KPNA7: variants seen among roughly 807,000 people sequenced by gnomAD.
KPNA7 encodes the protein importin subunit alpha-8.
A neutral mutation model predicts 53.7 loss-of-function variants in KPNA7; 54 were observed. The observed-to-expected ratio is 1.01, with a 90% CI of 0.81 to 1.26. The LOEUF (loss-of-function observed/expected upper bound fraction) is 1.26. KPNA7 is among the 50% of genes most tolerant of loss of function. The pLI, the probability that KPNA7 is intolerant of heterozygous loss-of-function variation, is 0.00. For synonymous variants in KPNA7, 276 were observed against 259.3 expected (o/e 1.06, Z -0.62); for missense variants, 640 against 644.5 (o/e 0.99, Z 0.07).
chr7:99,200,904 G>A (rs1295354141), intron 3 of KPNA7, among the ~76,000 whole-genome samples: 1 of 152,066 alleles, frequency 6.6e-6, no homozygotes, highest in Non-Finnish European at 1.5e-5. Context: ...GGAGACAAAA[G>A]TTGCAGTGAG....
chr7:99,206,673 A>C (rs1265963629), intron 2 of KPNA7, among the ~76,000 whole-genome samples: 1 of 151,712 alleles, frequency 6.6e-6, no homozygotes, highest in Non-Finnish European at 1.5e-5. Flanking sequence ...TTGGTATGTT[A>C]CCCAGGCTGG....
intron 8 of KPNA7, among the ~76,000 whole-genome samples, chr7:99,182,546 G>C (rs1228010047): frequency 6.6e-6 from 1 of 152,056 alleles, no homozygotes; most frequent in South Asian, 2.1e-4. Flanking sequence ...TGTTGGCCAG[G>C]CTGGTCTCAA....
downstream of KPNA7, among the ~76,000 whole-genome samples, chr7:99,169,435 C>G (rs958340978): frequency 6.6e-6 from 1 of 151,558 alleles, no homozygotes; most frequent in African/African-American, 2.4e-5. Flanking sequence ...GCCTGGCCAA[C>G]ATGGTGAAAC....
intron 5 of KPNA7, among the ~76,000 whole-genome samples, chr7:99,194,587 C>T (rs1000387009): frequency 5.9e-5 from 9 of 152,110 alleles, no homozygotes; most frequent in Non-Finnish European, 1.3e-4. Flanking sequence ...CAATATTTGG[C>T]CTCTAAACTT....
chr7:99,204,652 G>A (rs1428463912), intron 2 of KPNA7, among the ~76,000 whole-genome samples: 1 of 152,138 alleles, frequency 6.6e-6, no homozygotes, highest in Non-Finnish European at 1.5e-5. Flanking sequence ...AAGGCAGGAG[G>A]ATTGCTTGAG....
At chr7:99,197,470 A>G (rs1790288546) in intron 3 of KPNA7, among the ~76,000 whole-genome samples, 1 of 152,172 alleles carries the variant, frequency 6.6e-6, no homozygotes, top group Admixed American at 6.5e-5. Flanking sequence ...ACATATACAT[A>G]TATATGTGAA....
At chr7:99,160,956 G>T in the KPNA7 span, among the ~76,000 whole-genome samples, 4 of 152,002 alleles carry the variant, frequency 2.6e-5, no homozygotes, top group African/African-American at 9.7e-5. Flanking sequence ...AACCTCCCAG[G>T]TTCAAGCTAT....
chr7:99,174,590 A>G (rs771087428), intron 10 of KPNA7, among the ~76,000 whole-genome samples: 18 of 152,054 alleles, frequency 1.2e-4, no homozygotes, highest in Non-Finnish European at 2.5e-4. Flanking sequence ...GTCTCTACAG[A>G]TTTGATGACT....
At chr7:99,203,273 C>T (rs1435253600) in intron 2 of KPNA7, 33 bp from the exon 3 acceptor site, 1 of 1,544,138 alleles carries the variant, frequency 6.5e-7, no homozygotes, top group Non-Finnish European at 8.8e-7. Flanking sequence ...GCATTTAGAA[C>T]CAGGAGTGGG....
At chr7:99,166,098 C>G in the KPNA7 span, among the ~76,000 whole-genome samples, 1 of 152,100 alleles carries the variant, frequency 6.6e-6, no homozygotes, top group African/African-American at 2.4e-5. Flanking sequence ...TTTCCTGAGG[C>G]CTTCCCAGCC....
chr7:99,152,148 C>T, the KPNA7 span, among the ~76,000 whole-genome samples: 1 of 152,118 alleles, frequency 6.6e-6, no homozygotes, highest in South Asian at 2.1e-4. Flanking sequence ...CACACCACTG[C>T]ACCCCAGCCT....
At chr7:99,208,246 T>G (rs1022055894), upstream of KPNA7, among the ~76,000 whole-genome samples, 1 of 151,322 alleles carries the variant, frequency 6.6e-6, no homozygotes, top group African/African-American at 2.4e-5. Flanking sequence ...ATGACTCACT[T>G]TTTATTTATT....
At chr7:99,207,916 G>T (rs1202163246) in intron 1 of KPNA7, among the ~76,000 whole-genome samples, 112 bp downstream of exon 1, 1 of 152,004 alleles carries the variant, frequency 6.6e-6, no homozygotes, top group African/African-American at 2.4e-5. Flanking sequence ...TTACAGGCAT[G>T]AGCCACCGCT....
rs1356966382 is a variant in KPNA7 at position 99,188,325 on chromosome 7, A to G, written c.875T>C (p.Met292Thr). Residue 292 changes from methionine (M) to threonine (T), a missense_variant, in exon 7 of 11, where the codon ATG becomes ACG. By Grantham distance (81) the Met-to-Thr change is moderately conservative (BLOSUM62 -1). Coordinates refer to ENST00000327442, the MANE Select transcript of KPNA7 (RefSeq NM_001145715.3). ...CAAGACATTGAGTTCTGAGCTGGTC[A>G]TGAGCACTACCAGCCTGGGCAGGAC... Reference protein sequence around the residue: ...TGVLPRLVVLMTSSELNVLTP... With the variant: ...TGVLPRLVVLTTSSELNVLTP... 6.4e-7 allele frequency: 1 copy of G among 1,551,532 alleles called. No individual in the cohort carries two copies. The highest frequency in any genetic ancestry group is 2.0e-5 in the Admixed American group (1 of 50,952).
chr7:99,180,783 C>CT, intron 9 of KPNA7, among the ~76,000 whole-genome samples: 1 of 66,628 alleles, frequency 1.5e-5, no homozygotes, highest in Non-Finnish European at 3.9e-5. Flanking sequence ...CTCTCTCTCT[C>CT]CCCGTCTGTG....
the KPNA7 span, among the ~76,000 whole-genome samples, chr7:99,167,446 A>C: frequency 6.6e-6 from 1 of 151,974 alleles, no homozygotes; most frequent in Non-Finnish European, 1.5e-5. Flanking sequence ...CTGTACATGC[A>C]AGGGATCTAG....
chr7:99,158,055 T>G, the KPNA7 span, among the ~76,000 whole-genome samples: 2 of 152,116 alleles, frequency 1.3e-5, no homozygotes, highest in South Asian at 4.2e-4. Context: ...ATTTGGCTAA[T>G]TTTTTACTTT....
chr7:99,213,130 A>ATT (rs71108433), intron 1 of KPNA7, among the ~76,000 whole-genome samples: 8,277 of 141,074 alleles, frequency 0.059, 295 homozygotes, highest in South Asian at 0.16. Context: ...GCCAAAAGGG[A>ATT]TTTTTTTTTT....
chr7:99,209,086 A>G (rs12705046), upstream of KPNA7, among the ~76,000 whole-genome samples: 9,275 of 152,208 alleles, frequency 0.061, 318 homozygotes, highest in South Asian at 0.15. Context: ...CGGGAGGCGG[A>G]GGTTGCAGTG....
Sources: allele counts gnomAD v4.1 joint callset (sites outside exome capture counted in the v4.1 genomes callset), GRCh38; gene constraint gnomAD v4.1.1; transcripts MANE v1.5; gene names NCBI Gene and HGNC (gene_info 2026-07-23, HGNC 2026-07-21).